PPARGC1A: variants seen among roughly 807,000 people sequenced by gnomAD.
PPARGC1A encodes peroxisome proliferator-activated receptor gamma coactivator 1-alpha.
PPARGC1A carries 25 observed loss-of-function variants against 88.7 expected under a neutral mutation model. The observed-to-expected ratio is 0.28, with a 90% CI of 0.21 to 0.39. The LOEUF (loss-of-function observed/expected upper bound fraction) is 0.39, where lower values mean the gene tolerates loss of function less well. PPARGC1A is among the 10% of genes least tolerant of loss of function. The pLI is 1.00. For synonymous variants in PPARGC1A, 363 were observed against 355.6 expected, an observed-to-expected ratio of 1.02 and a Z score of -0.24; for missense variants, 880 against 968.7, an observed-to-expected ratio of 0.91 and a Z score of 1.22.
At chr4:24,146,429 C>T in the PPARGC1A span, among the ~76,000 whole-genome samples, 1 of 152,174 alleles carries the variant, frequency 6.6e-6, no homozygotes, top group Non-Finnish European at 1.5e-5. Context: ...AACAAAGAAC[C>T]TCAAAACTCT....
At chr4:23,911,431 T>G in the PPARGC1A span, among the ~76,000 whole-genome samples, 1 of 152,280 alleles carries the variant, frequency 6.6e-6, no homozygotes, top group South Asian at 2.1e-4. Context: ...TGCATCCCCA[T>G]GGTTTATGGC....
chr4:24,325,771 TAATC>T, the PPARGC1A span, among the ~76,000 whole-genome samples: 655 of 152,288 alleles, frequency 4.3e-3, 6 homozygotes, highest in African/African-American at 0.015. Context: ...GTCCCCTTCT[TAATC>T]AATACAGAGG....
chr4:23,852,644 T>C (rs1370155353), intron 2 of PPARGC1A, among the ~76,000 whole-genome samples: 3 of 152,174 alleles, frequency 2.0e-5, no homozygotes, highest in Admixed American at 2.0e-4. Flanking sequence ...TTTTTCTTCA[T>C]AGAAATCCTA....
the PPARGC1A span, among the ~76,000 whole-genome samples, chr4:23,921,536 A>G: frequency 1.3e-5 from 2 of 152,216 alleles, no homozygotes; most frequent in African/African-American, 4.8e-5. Flanking sequence ...TAAAGCCCCC[A>G]GGCACACTGA....
chr4:24,165,383 G>A, the PPARGC1A span, among the ~76,000 whole-genome samples: 127 of 152,246 alleles, frequency 8.3e-4, no homozygotes, highest in South Asian at 2.9e-3. Flanking sequence ...TTTTTCAAAT[G>A]ATGAAACTCT....
chr4:24,237,362 T>G, the PPARGC1A span, among the ~76,000 whole-genome samples: 1 of 152,164 alleles, frequency 6.6e-6, no homozygotes, highest in African/African-American at 2.4e-5. Flanking sequence ...ATGGAGGTCA[T>G]AAGTCACAGT....
chr4:23,932,054 G>A, the PPARGC1A span, among the ~76,000 whole-genome samples: 2 of 152,334 alleles, frequency 1.3e-5, no homozygotes, highest in African/African-American at 2.4e-5. Context: ...AACAGGAGTT[G>A]CCATAGTGGT....
At chr4:23,877,672 A>G (rs1715079184) in intron 2 of PPARGC1A, 1 of 152,066 alleles carries the variant, frequency 6.6e-6, no homozygotes, top group South Asian at 2.1e-4. Context: ...AAAATTTTTC[A>G]TTACTCAAAG....
chr4:24,423,533 T>C, the PPARGC1A span, among the ~76,000 whole-genome samples: 4 of 150,210 alleles, frequency 2.7e-5, no homozygotes, highest in Admixed American at 6.7e-5. Context: ...GCAAGATACA[T>C]GAGCTGTGTT....
At chr4:24,469,364 G>C in the PPARGC1A span, among the ~76,000 whole-genome samples, 1 of 152,188 alleles carries the variant, frequency 6.6e-6, no homozygotes, top group African/African-American at 2.4e-5. Flanking sequence ...TGAAAATGGA[G>C]ATTGTGGCAG....
rs1216726021 is a variant in PPARGC1A, at chr4:23,814,557, G to A, written c.926C>T (p.Pro309Leu). The change falls in exon 8 of 13, where the codon CCT (proline) becomes CTT (leucine). Residue 309 changes from proline (P) to leucine (L), a missense_variant. Physicochemically the swap from Pro to Leu is moderately conservative, Grantham distance 98. Transcript: ENST00000264867. Reference protein sequence around the residue: ...TPPHKANQDNPFRASPKLKSS... With the variant: ...TPPHKANQDNLFRASPKLKSS... ...CTTCAGCTTTGGAGAAGCCCTAAAA[G>A]GGTTATCTTGGTTGGCTTTATGAGG... 3.7e-6 allele frequency: 6 copies of A among 1,609,912 alleles called. No individual in the cohort carries two copies. The East Asian group carries it at 1.1e-4, about 30-fold the overall frequency.
chr4:24,340,853 T>C, the PPARGC1A span, among the ~76,000 whole-genome samples: 2 of 152,068 alleles, frequency 1.3e-5, no homozygotes, highest in South Asian at 4.1e-4. Flanking sequence ...GAACTCCCTT[T>C]CTCATCCACC....
the PPARGC1A span, among the ~76,000 whole-genome samples, chr4:24,186,562 T>A: frequency 6.6e-6 from 1 of 152,162 alleles, no homozygotes; most frequent in Non-Finnish European, 1.5e-5. Flanking sequence ...TAACTGAGTA[T>A]GAATGCCAGT....
chr4:24,236,459 C>T, the PPARGC1A span, among the ~76,000 whole-genome samples: 3 of 152,168 alleles, frequency 2.0e-5, no homozygotes, highest in African/African-American at 7.2e-5. Flanking sequence ...GTGCGAGGCT[C>T]TGTGAGGCAT....
At chr4:23,947,376 TATATATATATATATATATATAA>T in the PPARGC1A span, among the ~76,000 whole-genome samples, 114 of 25,338 alleles carry the variant, frequency 4.5e-3, 2 homozygotes, top group Admixed American at 8.3e-3. Flanking sequence ...TATATATATA[TATATATATATATATATATATAA>T]AAAAAACGGT....
At chr4:24,412,309 C>G in the PPARGC1A span, among the ~76,000 whole-genome samples, 1 of 152,116 alleles carries the variant, frequency 6.6e-6, no homozygotes, top group Non-Finnish European at 1.5e-5. Flanking sequence ...CAGCAAACTC[C>G]TACCCAGAGG....
the PPARGC1A span, among the ~76,000 whole-genome samples, chr4:24,046,825 C>T: frequency 8.5e-5 from 13 of 152,256 alleles, no homozygotes; most frequent in Admixed American, 3.3e-4. Context: ...CCTCTCAAGC[C>T]GTGTCTGTCC....
At chr4:24,223,497 T>C in the PPARGC1A span, among the ~76,000 whole-genome samples, 1 of 152,116 alleles carries the variant, frequency 6.6e-6, no homozygotes, top group East Asian at 1.9e-4. Flanking sequence ...TGATCTGCTT[T>C]CCTCAGCCTC....
chr4:24,437,361 CAGAT>C, the PPARGC1A span, among the ~76,000 whole-genome samples: 1 of 152,138 alleles, frequency 6.6e-6, no homozygotes, highest in Non-Finnish European at 1.5e-5. Context: ...AAGGAAAAGA[CAGAT>C]AGCTGAACAC....
Sources: gnomAD v4.1 joint callset for allele counts (sites outside exome capture counted in the v4.1 genomes callset) on GRCh38, gnomAD v4.1.1 for gene constraint, MANE v1.5 for transcripts, NCBI Gene and HGNC (gene_info 2026-07-23, HGNC 2026-07-21) for gene names.